Variants in PKNOX2 observed in about 807,000 individuals in gnomAD.
The protein encoded by PKNOX2 is PBX/knotted 1 homeobox 2, also known as homeobox protein PKNOX2.
Under a neutral mutation model 53.1 loss-of-function variants are expected in PKNOX2, and 14 were observed. The ratio of observed to expected loss-of-function variants is 0.26; its 90% CI spans 0.17 to 0.41. The LOEUF is 0.41. PKNOX2 is among the 10% of genes least tolerant of loss of function. The probability of loss-of-function intolerance (pLI) is 1.00; values close to 1 mark genes in which losing one functional copy is unlikely to be tolerated. For missense variants in PKNOX2, 496 were observed against 602.8 expected (o/e 0.82, Z 1.85); for synonymous variants, 257 against 242.8 (o/e 1.06, Z -0.54).
At chr11:125,423,669 G>A (rs903787282) in intron 10 of PKNOX2, among the ~76,000 whole-genome samples, 2 of 152,160 alleles carry the variant, frequency 1.3e-5, no homozygotes, top group Admixed American at 6.5e-5. Flanking sequence ...CCTGCCCCTT[G>A]GGGTGACAGG....
intron 1 of PKNOX2, among the ~76,000 whole-genome samples, chr11:125,178,565 CGAAGGAAGGAAGGAAGGAAG>C: frequency 1.7e-5 from 1 of 60,362 alleles, no homozygotes; most frequent in African/African-American, 1.1e-4. Flanking sequence ...AAGGAAGGAA[CGAAGGAAGGAAGGAAGGAAG>C]GAAGGAAGGA....
At chr11:125,334,739 C>T (rs1950341652) in intron 3 of PKNOX2, among the ~76,000 whole-genome samples, 1 of 151,932 alleles carries the variant, frequency 6.6e-6, no homozygotes, top group Non-Finnish European at 1.5e-5. Context: ...GCTGGGGCAA[C>T]AGGTGCACAC....
At chr11:125,400,098 T>C (rs1291190456) in intron 7 of PKNOX2, among the ~76,000 whole-genome samples, 1 of 152,068 alleles carries the variant, frequency 6.6e-6, no homozygotes, top group African/African-American at 2.4e-5. Context: ...AGGCTGGCCC[T>C]GGGGTACCCA....
chr11:125,326,245 G>T lies in PKNOX2; in HGVS notation c.-129-5574G>T, dbSNP rs533010717. ...AATAGGGTGAGGAGGGCAAGAGGCT[G>T]AGTTCATTCGGCTGCAGAAAGGCAG... On this transcript the variant is annotated intron_variant, in intron 2 of 12. Coordinates refer to ENST00000298282, the MANE Select transcript of PKNOX2 (RefSeq NM_001382323.2). Among the ~76,000 whole-genome samples, 120 of 152,358 alleles carry T rather than the reference G, an allele frequency of 7.9e-4. 2 individuals are homozygous for T. Among genetic ancestry groups the T allele is most frequent in the African/African-American group, 2.7e-3 (114 of 41,588 alleles).
intron 3 of PKNOX2, among the ~76,000 whole-genome samples, chr11:125,337,714 A>C (rs1211374284): frequency 6.7e-6 from 1 of 149,378 alleles, no homozygotes; most frequent in Non-Finnish European, 1.5e-5. Context: ...CTACGACTTC[A>C]TTTCTTTTCC....
chr11:125,208,950 G>A (rs1939489308), intron 1 of PKNOX2, among the ~76,000 whole-genome samples: 1 of 152,010 alleles, frequency 6.6e-6, no homozygotes, highest in Admixed American at 6.6e-5. Context: ...TGGAGTTGTG[G>A]GGCCAGTATC....
intron 2 of PKNOX2, among the ~76,000 whole-genome samples, chr11:125,273,334 A>T (rs1442591002): frequency 6.6e-6 from 1 of 152,224 alleles, no homozygotes; most frequent in Admixed American, 6.5e-5. Flanking sequence ...GGCAGGCGGC[A>T]AAACAAGAAA....
At chr11:125,167,065 T>C (rs1591466246) in intron 1 of PKNOX2, among the ~76,000 whole-genome samples, 1 of 151,944 alleles carries the variant, frequency 6.6e-6, no homozygotes, top group African/African-American at 2.4e-5. Flanking sequence ...GTCCCGTTTC[T>C]GGTCTCATAA....
intron 1 of PKNOX2, among the ~76,000 whole-genome samples, chr11:125,194,855 A>T (rs1353452746): frequency 6.6e-6 from 1 of 152,172 alleles, no homozygotes; most frequent in Non-Finnish European, 1.5e-5. Context: ...CAGCTAATTT[A>T]ATTCTCACCA....
At chr11:125,178,542 G>A (rs1481560087) in intron 1 of PKNOX2, among the ~76,000 whole-genome samples, 1 of 142,080 alleles carries the variant, frequency 7.0e-6, no homozygotes, top group Non-Finnish European at 1.5e-5. Context: ...AAGAAAGGGA[G>A]AGAGAGAGAA....
intron 1 of PKNOX2, among the ~76,000 whole-genome samples, chr11:125,219,400 T>C (rs995897092): frequency 6.6e-6 from 1 of 151,524 alleles, no homozygotes; most frequent in African/African-American, 2.4e-5. Context: ...ATCACGCCAT[T>C]GCATTCTAGC....
rs10571639 is a variant in PKNOX2 at position 125,217,008 on chromosome 11, A to AACACACAC, written c.-200-18015_-200-18008dup. ...TGTGAAAGTTTCCCCATCCCCTCAA[A>AACACACAC]ACACACACACACACACACACACACA... is the stretch of plus-strand genomic sequence containing the variant. On this transcript the variant is annotated intron_variant, in intron 1 of 12. Transcript: ENST00000298282. 4.3e-3 allele frequency among the ~76,000 whole-genome samples: 626 copies of AACACACAC among 147,214 alleles called. 2 individuals carry two copies. Among genetic ancestry groups the AACACACAC allele is most frequent in the South Asian group, 8.8e-3 (40 of 4,560 alleles).
intron 4 of PKNOX2, among the ~76,000 whole-genome samples, chr11:125,357,148 C>T (rs965537875): frequency 6.6e-6 from 1 of 152,258 alleles, no homozygotes; most frequent in Non-Finnish European, 1.5e-5. Flanking sequence ...CTCACCAAAA[C>T]AGACTCTTCT....
At chr11:125,341,566 G>C (rs775607977) in intron 3 of PKNOX2, among the ~76,000 whole-genome samples, 1 of 152,220 alleles carries the variant, frequency 6.6e-6, no homozygotes, top group Non-Finnish European at 1.5e-5. Context: ...GGGACATGCG[G>C]GTGAGGAGCA....
intron 2 of PKNOX2, among the ~76,000 whole-genome samples, chr11:125,244,588 G>A (rs1318877538): frequency 1.3e-5 from 2 of 152,336 alleles, no homozygotes; most frequent in East Asian, 1.9e-4. Flanking sequence ...GGCAGCCTCA[G>A]CAAAGTGCCA....
chr11:125,325,849 C>T (rs1231027896), intron 2 of PKNOX2, among the ~76,000 whole-genome samples: 1 of 152,230 alleles, frequency 6.6e-6, no homozygotes, highest in African/African-American at 2.4e-5. Flanking sequence ...CCCACATTCA[C>T]TTAGTGTTAC....
At chr11:125,262,110 G>A (rs1259733082) in intron 2 of PKNOX2, among the ~76,000 whole-genome samples, 1 of 152,194 alleles carries the variant, frequency 6.6e-6, no homozygotes, top group African/African-American at 2.4e-5. Flanking sequence ...GGCACTGGAG[G>A]GGAGAAGTGG....
At chr11:125,316,753 G>T (rs1715381119) in intron 2 of PKNOX2, among the ~76,000 whole-genome samples, 1 of 152,178 alleles carries the variant, frequency 6.6e-6, no homozygotes, top group African/African-American at 2.4e-5. Context: ...TTTGCTGCTG[G>T]AGGGTTTTGC....
Position 125,376,101 on chromosome 11 carries a change from C to T in PKNOX2, c.227+8116C>T, listed in dbSNP as rs116748354. On this transcript the variant is annotated intron_variant, in intron 5 of 12. Coordinates refer to ENST00000298282, the MANE Select transcript of PKNOX2 (RefSeq NM_001382323.2). Reference sequence around the variant, plus strand: ...TTTAATGTGCCGGGAGGAGTGTGTGCGTGCATGTGTCTGAAGGGAGGAGGG... The same window carrying T: ...TTTAATGTGCCGGGAGGAGTGTGTGTGTGCATGTGTCTGAAGGGAGGAGGG... Among the ~76,000 whole-genome samples the T allele has an allele frequency of 3.9e-3, 592 of 152,198 alleles. 4 individuals carry two copies. Among genetic ancestry groups the T allele is most frequent in the African/African-American group, 0.013 (560 of 41,526 alleles).
Sources: gnomAD v4.1 joint callset for allele counts (sites outside exome capture counted in the v4.1 genomes callset) on GRCh38, gnomAD v4.1.1 for gene constraint, MANE v1.5 for transcripts, NCBI Gene and HGNC (gene_info 2026-07-23, HGNC 2026-07-21) for gene names.